The following NLGN1 variants were observed in gnomAD, a reference collection of about 807,000 sequenced individuals.
The protein encoded by NLGN1 is neuroligin-1.
In NLGN1, 12 loss-of-function variants were observed where a neutral mutation model predicts 65.5. The observed-to-expected ratio is 0.18, with a 90% confidence interval of 0.12 to 0.30. The LOEUF (loss-of-function observed/expected upper bound fraction) is 0.30, where lower values mean the gene tolerates loss of function less well. Among genes scored for constraint, NLGN1 ranks in the 10% least tolerant of loss-of-function variants. The pLI is 1.00. For missense variants in NLGN1, 750 were observed against 1,007.1 expected (o/e 0.74, Z 3.46); for synonymous variants, 350 against 359.5 (o/e 0.97, Z 0.30).
chr3:173,429,784 G>A (rs985921875), intron 1 of NLGN1, among the ~76,000 whole-genome samples: 19 of 152,240 alleles, frequency 1.2e-4, no homozygotes, highest in African/African-American at 4.6e-4. Flanking sequence ...CCCAGATTGG[G>A]GCTGGGGGAA....
intron 3 of NLGN1, among the ~76,000 whole-genome samples, chr3:173,792,815 C>A (rs1713109000): frequency 6.6e-6 from 1 of 152,104 alleles, no homozygotes; most frequent in Admixed American, 6.6e-5. Flanking sequence ...CATTAATCTG[C>A]ACTGCGTTTT....
intron 4 of NLGN1, among the ~76,000 whole-genome samples, chr3:174,247,483 A>G (rs910536736): frequency 6.6e-6 from 1 of 152,186 alleles, no homozygotes; most frequent in African/African-American, 2.4e-5. Flanking sequence ...GAGCCTTTTA[A>G]CAGGTCTTTC....
rs376826810 is a variant in NLGN1, at chr3:173,722,529, C to T, written c.494-85151C>T. ...TACTGGGATTACAGGTGTGAGCCACCGCAGCTGGCCAACTTTTTTTTCTTT... is the reference window on the plus strand; with the variant it reads ...TACTGGGATTACAGGTGTGAGCCACTGCAGCTGGCCAACTTTTTTTTCTTT... On this transcript the variant is annotated intron_variant, in intron 3 of 6. Coordinates refer to ENST00000457714, the Ensembl canonical transcript of NLGN1. Among the ~76,000 whole-genome samples, 664 of 152,094 alleles carry T rather than the reference C, an allele frequency of 4.4e-3. 2 individuals are homozygous for T. Among genetic ancestry groups the T allele is most frequent in the Non-Finnish European group, 7.7e-3 (525 of 67,980 alleles).
At chr3:174,216,301 A>G (rs6798947) in intron 4 of NLGN1, among the ~76,000 whole-genome samples, 112,734 of 151,990 alleles carry the variant, frequency 0.74, 41,849 homozygotes, top group East Asian at 0.8. Flanking sequence ...AGAGAGACAA[A>G]TAGAGGGACA....
intron 2 of NLGN1, among the ~76,000 whole-genome samples, chr3:173,439,243 T>C (rs536891900): frequency 7.1e-4 from 108 of 152,304 alleles, no homozygotes; most frequent in African/African-American, 2.4e-3. Context: ...GTTTAAAGCC[T>C]GGAGAATGAA....
intron 4 of NLGN1, among the ~76,000 whole-genome samples, chr3:173,917,640 C>A (rs563995607): frequency 1.3e-5 from 2 of 152,224 alleles, no homozygotes; most frequent in South Asian, 4.2e-4. Flanking sequence ...TCCTTAGTCC[C>A]CTAGTGATAG....
intron 4 of NLGN1, among the ~76,000 whole-genome samples, chr3:174,227,054 G>A (rs1212420401): frequency 1.3e-5 from 2 of 152,170 alleles, no homozygotes; most frequent in East Asian, 3.8e-4. Context: ...TAAGGTTTAT[G>A]TAATAGGTGA....
In NLGN1 at chr3:173,966,727, A is replaced by G. The variant is rs138864171; in HGVS notation, c.646+158895A>G. On this transcript the variant is annotated intron_variant, in intron 4 of 6. Transcript: ENST00000457714. ...TAGAAATACCAAAGTTGAATAAAGC[A>G]TAATATAAAAATAGACAAAATTTTT... Among the ~76,000 whole-genome samples the G allele has an allele frequency of 2.0e-5, 3 of 152,352 alleles. No individual in the cohort carries two copies. The East Asian group carries it at 5.8e-4, about 29-fold the overall frequency.
At chr3:173,766,473 A>G (rs1174452601) in intron 3 of NLGN1, among the ~76,000 whole-genome samples, 1 of 152,120 alleles carries the variant, frequency 6.6e-6, no homozygotes, top group Non-Finnish European at 1.5e-5. Context: ...AGTAGCAGCA[A>G]TATTAATTGT....
intron 2 of NLGN1, among the ~76,000 whole-genome samples, chr3:173,552,039 TCTC>T (rs1236396863): frequency 1.3e-5 from 2 of 152,186 alleles, no homozygotes; most frequent in Non-Finnish European, 2.9e-5. Flanking sequence ...AAATGAATGA[TCTC>T]CTCCTTTGAG....
chr3:174,207,026 A>G (rs774071574), intron 4 of NLGN1, among the ~76,000 whole-genome samples: 4 of 152,148 alleles, frequency 2.6e-5, no homozygotes, highest in Non-Finnish European at 4.4e-5. Flanking sequence ...ATCCACAATG[A>G]GTAAAACAAC....
In NLGN1 at chr3:173,723,147, A is replaced by T. The variant is rs533685308; in HGVS notation, c.494-84533A>T. On this transcript the variant is annotated intron_variant, in intron 3 of 6. Coordinates refer to ENST00000457714, the Ensembl canonical transcript of NLGN1. ...GATACTTGAAGGCCATTGCGGCTAG[A>T]GCTATGTGAGCAAAGGGGAGAATTT... Among the ~76,000 whole-genome samples, 3 of 152,324 alleles carry T rather than the reference A, an allele frequency of 2.0e-5. No homozygotes were observed. The South Asian group carries it at 6.2e-4, about 32-fold the overall frequency.
At chr3:174,094,085 G>A (rs190921713) in intron 4 of NLGN1, among the ~76,000 whole-genome samples, 3 of 152,234 alleles carry the variant, frequency 2.0e-5, no homozygotes, top group East Asian at 3.9e-4. Flanking sequence ...GTGCTGTATA[G>A]TATAGACTAG....
chr3:173,647,296 A>T (rs534773737), intron 3 of NLGN1, among the ~76,000 whole-genome samples: 2 of 152,272 alleles, frequency 1.3e-5, no homozygotes, highest in African/African-American at 4.8e-5. Context: ...TAGACAGAAG[A>T]TCAATAAGAA....
intron 4 of NLGN1, among the ~76,000 whole-genome samples, chr3:173,955,206 T>C (rs538026577): frequency 3.9e-5 from 6 of 152,276 alleles, no homozygotes; most frequent in African/African-American, 1.2e-4. Context: ...AATATAAAAA[T>C]CATTCATCCT....
chr3:173,862,398 T>A (rs1296572229), intron 4 of NLGN1, among the ~76,000 whole-genome samples: 29 of 142,866 alleles, frequency 2.0e-4, no homozygotes, highest in Admixed American at 5.2e-4. Context: ...CCCAGCTACT[T>A]GGGAGGCTGA....
intron 3 of NLGN1, among the ~76,000 whole-genome samples, chr3:173,707,974 A>G (rs1035362460): frequency 9.9e-5 from 15 of 152,224 alleles, no homozygotes; most frequent in African/African-American, 3.4e-4. Flanking sequence ...TTTTACTATC[A>G]TAAATGTATC....
chr3:173,566,871 A>G (rs558381984), intron 2 of NLGN1, among the ~76,000 whole-genome samples: 50 of 152,304 alleles, frequency 3.3e-4, no homozygotes, highest in African/African-American at 1.2e-3. Flanking sequence ...AAGAAAATGT[A>G]AATAAATGAA....
intron 2 of NLGN1, among the ~76,000 whole-genome samples, chr3:173,521,376 T>C (rs1372443417): frequency 6.6e-6 from 1 of 152,052 alleles, no homozygotes; most frequent in Non-Finnish European, 1.5e-5. Flanking sequence ...AAGATCTCCA[T>C]AGAGGTGCTA....
Sources: gnomAD v4.1 joint callset for allele counts (sites outside exome capture counted in the v4.1 genomes callset) on GRCh38, gnomAD v4.1.1 for gene constraint, MANE v1.5 for transcripts, NCBI Gene and HGNC (gene_info 2026-07-23, HGNC 2026-07-21) for gene names.